Variants in SLC8A1 observed in about 807,000 individuals in gnomAD.
The protein encoded by SLC8A1 is sodium/calcium exchanger 1.
In SLC8A1, 18 loss-of-function variants were observed where a neutral mutation model predicts 68.3. The observed-to-expected ratio is 0.26, with a 90% CI of 0.18 to 0.39. The LOEUF (loss-of-function observed/expected upper bound fraction) is 0.39, where lower values mean the gene tolerates loss of function less well. SLC8A1 is among the 10% of genes least tolerant of loss of function. SLC8A1 has a pLI of 1.00. For missense variants in SLC8A1, 985 were observed against 1,156.7 expected (o/e 0.85, Z 2.15); for synonymous variants, 475 against 415.5 (o/e 1.14, Z -1.74).
At chr2:40,263,042 A>T (rs535201559) in intron 2 of SLC8A1, among the ~76,000 whole-genome samples, 2 of 152,358 alleles carry the variant, frequency 1.3e-5, no homozygotes, top group South Asian at 4.1e-4. Flanking sequence ...CAACTCTAAA[A>T]TGGTTTCATC....
chr2:40,429,623 T>C (rs748943568), exon 2 of SLC8A1: 1 of 1,613,748 alleles, frequency 6.2e-7, no homozygotes, highest in Non-Finnish European at 8.5e-7. Flanking sequence ...GACAAAATAA[T>C]GTAAAGCCAG....
chr2:40,151,710 C>T (rs534007720), intron 6 of SLC8A1, among the ~76,000 whole-genome samples: 60 of 152,132 alleles, frequency 3.9e-4, no homozygotes, highest in Admixed American at 6.5e-4. Context: ...AATTTAGAAA[C>T]CATTGAATTA....
chr2:40,274,261 T>C (rs891643430), intron 2 of SLC8A1, among the ~76,000 whole-genome samples: 2 of 150,402 alleles, frequency 1.3e-5, no homozygotes, highest in African/African-American at 4.9e-5. Flanking sequence ...CTTATCATAT[T>C]TGTAGCCCCA....
At chr2:40,507,519 C>T (rs1706448047) in intron 1 of SLC8A1, among the ~76,000 whole-genome samples, 1 of 152,032 alleles carries the variant, frequency 6.6e-6, no homozygotes, top group African/African-American at 2.4e-5. Flanking sequence ...TTTGCTCTTA[C>T]TCCTTGCCAT....
At chr2:40,454,257 A>G (rs886836916), upstream of SLC8A1, among the ~76,000 whole-genome samples, 5 of 152,212 alleles carry the variant, frequency 3.3e-5, no homozygotes, top group African/African-American at 1.2e-4. Flanking sequence ...AATAGAACAC[A>G]GCCAAATGAA....
At chr2:40,290,548 G>C (rs564310297) in intron 2 of SLC8A1, among the ~76,000 whole-genome samples, 5 of 152,224 alleles carry the variant, frequency 3.3e-5, no homozygotes, top group South Asian at 2.1e-4. Flanking sequence ...TGTCACATTT[G>C]CCTGGTTAAC....
At chr2:40,140,764 T>G (rs2041412880) in intron 6 of SLC8A1, among the ~76,000 whole-genome samples, 1 of 152,204 alleles carries the variant, frequency 6.6e-6, no homozygotes, top group South Asian at 2.1e-4. Flanking sequence ...ACAAAGGTGG[T>G]TAAGTATGTA....
intron 2 of SLC8A1, among the ~76,000 whole-genome samples, chr2:40,374,682 C>T (rs925504598): frequency 2.0e-5 from 3 of 151,980 alleles, no homozygotes; most frequent in African/African-American, 7.2e-5. Context: ...AATAACTTTC[C>T]CAGCCTGGCC....
chr2:40,223,698 A>G (rs544461643), intron 2 of SLC8A1: 3 of 152,118 alleles, frequency 2.0e-5, no homozygotes, highest in East Asian at 1.9e-4. Context: ...GTTGAAAACT[A>G]TGTCACAATA....
chr2:40,348,469 T>C (rs1192948852), intron 2 of SLC8A1, among the ~76,000 whole-genome samples: 1 of 152,206 alleles, frequency 6.6e-6, no homozygotes, highest in East Asian at 1.9e-4. Flanking sequence ...AAAAAAGCTT[T>C]TTTTCTGAAC....
intron 7 of SLC8A1, among the ~76,000 whole-genome samples, chr2:40,128,950 A>G (rs550722876): frequency 6.6e-6 from 1 of 152,246 alleles, no homozygotes; most frequent in Non-Finnish European, 1.5e-5. Context: ...CTATTGAGTC[A>G]GAAAGTACAT....
chr2:40,432,890 C>T (rs188887663), intron 1 of SLC8A1, among the ~76,000 whole-genome samples: 270 of 152,068 alleles, frequency 1.8e-3, no homozygotes, highest in African/African-American at 6.0e-3. Context: ...TATAAGTGAT[C>T]CCAATACTTG....
intron 6 of SLC8A1, among the ~76,000 whole-genome samples, chr2:40,155,692 T>C (rs578019298): frequency 6.6e-6 from 1 of 152,324 alleles, no homozygotes; most frequent in East Asian, 1.9e-4. Flanking sequence ...GACAGTATTT[T>C]ATATTAAATA....
chr2:40,132,302 T>G (rs900734278), intron 7 of SLC8A1, among the ~76,000 whole-genome samples: 2 of 152,146 alleles, frequency 1.3e-5, no homozygotes, highest in African/African-American at 4.8e-5. Context: ...TGGCTAAATA[T>G]GGACAAGTCA....
chr2:40,442,879 A>G (rs564168848), intron 1 of SLC8A1, among the ~76,000 whole-genome samples: 1 of 152,216 alleles, frequency 6.6e-6, no homozygotes, highest in Non-Finnish European at 1.5e-5. Flanking sequence ...GAGAGGCTGG[A>G]TAAAGAAAAT....
intron 2 of SLC8A1, among the ~76,000 whole-genome samples, chr2:40,414,783 G>C (rs567966892): frequency 1.3e-5 from 2 of 152,096 alleles, no homozygotes; most frequent in South Asian, 4.1e-4. Flanking sequence ...TAGCTAACTT[G>C]ATTTGAATTA....
chr2:40,291,271 T>C (rs2069259742), intron 2 of SLC8A1, among the ~76,000 whole-genome samples: 1 of 152,122 alleles, frequency 6.6e-6, no homozygotes, highest in Non-Finnish European at 1.5e-5. Context: ...TGAGAAGGCT[T>C]GTCCAAAGTG....
At chr2:40,203,593 A>G (rs1213003969) in intron 2 of SLC8A1, among the ~76,000 whole-genome samples, 1 of 152,088 alleles carries the variant, frequency 6.6e-6, no homozygotes, top group East Asian at 1.9e-4. Context: ...CCAAAAATAT[A>G]TAATTCTGAC....
intron 2 of SLC8A1, chr2:40,213,269 T>C (rs773371381): frequency 1.3e-5 from 2 of 152,136 alleles, no homozygotes; most frequent in African/African-American, 2.4e-5. Flanking sequence ...AAGATGTTTA[T>C]TTAGAGCTGT....
Sources: allele counts gnomAD v4.1 joint callset (sites outside exome capture counted in the v4.1 genomes callset), GRCh38; gene constraint gnomAD v4.1.1; transcripts MANE v1.5; gene names NCBI Gene and HGNC (gene_info 2026-07-23, HGNC 2026-07-21).